GCC2: variants seen among roughly 807,000 people sequenced by gnomAD.
GCC2 encodes GRIP and coiled-coil domain-containing protein 2.
In GCC2, 120 loss-of-function variants were observed where a neutral mutation model predicts 210.6. The observed-to-expected ratio is 0.57, with a 90% CI of 0.49 to 0.66. GCC2 has a LOEUF of 0.66. Ranked by LOEUF, GCC2 falls within the 30% of genes least tolerant of loss-of-function variation. GCC2 has a pLI of 0.00. For synonymous variants in GCC2, 703 were observed against 652.7 expected, an observed-to-expected ratio of 1.08 and a Z score of -1.17; for missense variants, 1,868 against 1,871.9, an observed-to-expected ratio of 1.00 and a Z score of 0.04.
chr2:108,480,296 T>TA (rs1355875237), intron 9 of GCC2, among the ~76,000 whole-genome samples: 1 of 152,172 alleles, frequency 6.6e-6, no homozygotes, highest in Non-Finnish European at 1.5e-5. Context: ...AAGGAACACT[T>TA]ACACTTTTGG....
Position 108,469,741 on chromosome 2 carries a change from T to C in GCC2, c.412T>C (p.Leu138=), listed in dbSNP as rs1681086155. 3 of 1,613,118 alleles carry C rather than the reference T, an allele frequency of 1.9e-6. No individual in the cohort carries two copies. Among genetic ancestry groups the C allele is most frequent in the Admixed American group, 1.7e-5 (1 of 59,946 alleles). ...AGAAATTGAAAATTTGAAAAATGAG[T>C]TGATGGCAGTACGTTCCAAATACAG... ...VKEIENLKNE[L]MAVRSKYSED... is the part of the protein sequence containing the mutation. Residue 138 remains leucine, a synonymous_variant, in exon 6 of 23, where the codon TTG becomes CTG. Coordinates refer to ENST00000309863, the MANE Select transcript of GCC2 (RefSeq NM_181453.4).
At chr2:108,455,278 CA>C (rs1260321848) in intron 4 of GCC2, among the ~76,000 whole-genome samples, 1 of 151,910 alleles carries the variant, frequency 6.6e-6, no homozygotes, top group Non-Finnish European at 1.5e-5. Context: ...CATCTCTACT[CA>C]AAATACAAAA....
chr2:108,498,395 C>T (rs1682755860), intron 21 of GCC2, among the ~76,000 whole-genome samples: 1 of 151,762 alleles, frequency 6.6e-6, no homozygotes, highest in Admixed American at 6.6e-5. Flanking sequence ...ATGGTTTCAC[C>T]ATGTTGGCCA....
intron 6 of GCC2, 50 bp downstream of exon 6, chr2:108,472,166 C>T: frequency 1.6e-6 from 2 of 1,264,004 alleles, no homozygotes; most frequent in Non-Finnish European, 2.1e-6. Context: ...TAGTTCAACT[C>T]TACAATATAT....
intron 5 of GCC2, chr2:108,469,325 G>A (rs1340895001): frequency 4.8e-6 from 2 of 415,816 alleles, no homozygotes; most frequent in Non-Finnish European, 8.5e-6. Context: ...TACTAAAAGC[G>A]AAAAAAAGTA....
At chr2:108,481,531 A>T (rs1681848128) in intron 9 of GCC2, among the ~76,000 whole-genome samples, 166 bp from the exon 10 acceptor site, 1 of 152,124 alleles carries the variant, frequency 6.6e-6, no homozygotes, top group Admixed American at 6.5e-5. Context: ...AGTTACCCAA[A>T]ATGTGCTAGT....
chr2:108,452,324 G>A (rs1451562284), intron 3 of GCC2, 75 bp from the exon 4 acceptor site: 3 of 816,748 alleles, frequency 3.7e-6, no homozygotes, highest in Non-Finnish European at 6.5e-6. Flanking sequence ...GGTTTTGTGA[G>A]AATGTACTTA....
At position 108,507,453 on chromosome 2, in the gene GCC2, T is replaced by A. The variant is rs1683252548; in HGVS notation, c.4985-107T>A. The A allele has an allele frequency of 1.7e-5, 13 of 781,800 alleles. No individual in the cohort carries two copies. In the South Asian group the frequency reaches 2.3e-4, roughly 14 times the overall value. The allele number at this position is 781,800 out of a possible 1,614,324, so 48.4% of individuals were successfully genotyped here. A position where few individuals can be genotyped will look rare whatever the true frequency, so the allele number is the denominator to read the frequency against. ...ATGTAATCAGTAAAAAACACATTAT[T>A]TGCTTATATTGTAGAGTGATTCTAA... On this transcript the variant is annotated intron_variant, in intron 22 of 22. Transcript: ENST00000309863.
At chr2:108,497,181 A>G (rs573361823) in intron 21 of GCC2, 72 bp downstream of exon 21, 2 of 1,608,566 alleles carry the variant, frequency 1.2e-6, no homozygotes, top group African/African-American at 1.3e-5. Context: ...CACATGCACG[A>G]TCTCAGCTCA....
intron 16 of GCC2, among the ~76,000 whole-genome samples, chr2:108,487,443 C>A (rs779803018): frequency 7.2e-5 from 11 of 152,152 alleles, no homozygotes; most frequent in African/African-American, 1.2e-4. Flanking sequence ...GCTTATTAGA[C>A]ATTGTATGCA....
rs539542535 is a variant in GCC2 at position 108,456,129 on chromosome 2, C to T, written c.216+3663C>T. On this transcript the variant is annotated intron_variant, in intron 4 of 22. Transcript: ENST00000309863. ...CGTCCTGAGTAGCTGGGACTACAGG[C>T]GCCGGCCACCAAGCCTGGCTAATTT... Among the ~76,000 whole-genome samples, 6 of 152,214 alleles carry T rather than the reference C, an allele frequency of 3.9e-5. No individual in the cohort carries two copies. In the East Asian group the frequency reaches 7.7e-4, roughly 20 times the overall value.
intron 17 of GCC2, 26 bp from the exon 18 acceptor site, chr2:108,489,812 T>G: frequency 6.5e-7 from 1 of 1,542,082 alleles, no homozygotes; most frequent in Non-Finnish European, 8.8e-7. Flanking sequence ...TTCAAAAAAT[T>G]TTAAAACTGT....
At chr2:108,481,626 G>T (rs1240802151) in intron 9 of GCC2, 71 bp from the exon 10 acceptor site, 1 of 1,121,008 alleles carries the variant, frequency 8.9e-7, no homozygotes, top group Non-Finnish European at 1.3e-6. Context: ...ATCTTAAGGT[G>T]GCTTGATGAT....
In GCC2 at chr2:108,471,471, A is replaced by C; in HGVS notation, c.2142A>C (p.Gln714His). 6.2e-7 allele frequency: 1 copy of C among 1,610,218 alleles called. No homozygotes were observed. Among genetic ancestry groups the C allele is most frequent in the Non-Finnish European group, 8.5e-7 (1 of 1,178,778 alleles). The change falls in exon 6 of 23, where the codon CAA becomes CAC. Residue 714 changes from glutamine (Q) to histidine (H), a missense_variant. Physicochemically the swap from Gln to His is conservative, Grantham distance 24. Around this residue, in one of 3 missense-constraint regions of GCC2, gnomAD observed 1,847 missense variants for 1,765.2 expected, o/e 1.05. Transcript: ENST00000309863. Reference protein sequence around the residue: ...LSRDLEVFLSQKEDVILKEHI... With the variant: ...LSRDLEVFLSHKEDVILKEHI... ...GGGATTTGGAGGTTTTTTTGTCTCA[A>C]AAAGAAGATGTTATCCTTAAAGAAC...
intron 4 of GCC2, among the ~76,000 whole-genome samples, chr2:108,465,967 T>A (rs1311868402): frequency 6.6e-6 from 1 of 152,184 alleles, no homozygotes; most frequent in East Asian, 1.9e-4. Context: ...CTGTTCTCCC[T>A]CAGTCTCCTG....
At chr2:108,492,545 T>A in intron 18 of GCC2, 28 bp from the exon 19 acceptor site, 1 of 1,457,630 alleles carries the variant, frequency 6.9e-7, no homozygotes. Context: ...TTGAAAGATC[T>A]TCTGTAACTA....
At chr2:108,507,027 T>G (rs999317077) in intron 22 of GCC2, among the ~76,000 whole-genome samples, 6 of 152,158 alleles carry the variant, frequency 3.9e-5, no homozygotes, top group Non-Finnish European at 8.8e-5. Flanking sequence ...AATAGAAAAT[T>G]AGCTGTTAAG....
chr2:108,485,210 T>C (rs909510094), intron 13 of GCC2, among the ~76,000 whole-genome samples: 10 of 150,900 alleles, frequency 6.6e-5, no homozygotes, highest in Admixed American at 1.3e-4. Flanking sequence ...TTGGGAGATA[T>C]ACCTAATGCT....
At chr2:108,455,097 C>A (rs570540105) in intron 4 of GCC2, among the ~76,000 whole-genome samples, 1 of 152,144 alleles carries the variant, frequency 6.6e-6, no homozygotes, top group Non-Finnish European at 1.5e-5. Flanking sequence ...TCCTCCTTAT[C>A]ACTCATCAAT....
Sources: allele counts gnomAD v4.1 joint callset (sites outside exome capture counted in the v4.1 genomes callset), GRCh38; gene constraint gnomAD v4.1.1; regional missense constraint gnomAD v4.1.1; transcripts MANE v1.5; gene names NCBI Gene and HGNC (gene_info 2026-07-23, HGNC 2026-07-21).